The following HR variants were observed in gnomAD, a reference collection of about 807,000 sequenced individuals.
The protein encoded by HR is HR lysine demethylase and nuclear receptor corepressor, also known as lysine-specific demethylase hairless.
Under a neutral mutation model 128.6 loss-of-function variants are expected in HR, and 83 were observed. That is an observed-to-expected ratio of 0.65 (90% CI 0.54 to 0.77). The LOEUF is 0.77. Ranked by LOEUF, HR falls within the 30% of genes least tolerant of loss-of-function variation. The pLI is 0.00. For missense variants in HR, 1,490 were observed against 1,574.6 expected, an observed-to-expected ratio of 0.95 and a Z score of 0.91; for synonymous variants, 681 against 658.2, an observed-to-expected ratio of 1.03 and a Z score of -0.53.
At position 22,115,477 on chromosome 8, in the gene HR, G is replaced by C. The variant is rs954201668; in HGVS notation, c.*223C>G. The C allele has an allele frequency of 1.1e-5, 7 of 624,340 alleles. No homozygotes were observed. Among genetic ancestry groups the C allele is most frequent in the Non-Finnish European group, 2.0e-5 (7 of 343,356 alleles). The allele number at this position is 624,340 out of a possible 1,614,324, so 38.7% of individuals were successfully genotyped here. ...GGTACCATGAAAAGGGGCACAGGGTGGGGGAGATGCCAGCCTGAGAAGGAC... is the reference window on the plus strand; with the variant it reads ...GGTACCATGAAAAGGGGCACAGGGTCGGGGAGATGCCAGCCTGAGAAGGAC... On this transcript the variant is annotated 3_prime_UTR_variant, in exon 19 of 19. Coordinates refer to ENST00000381418, the MANE Select transcript of HR (RefSeq NM_005144.5).
chr8:22,128,058 A>G, intron 2 of HR: 1 of 618,916 alleles, frequency 1.6e-6, no homozygotes, highest in Non-Finnish European at 2.9e-6. Flanking sequence ...CTAAGAACTA[A>G]AGAGTGAATG....
At position 22,115,563 on chromosome 8, in the gene HR, G is replaced by A; in HGVS notation, c.*137C>T. 1.3e-6 allele frequency: 1 copy of A among 764,338 alleles called. No individual in the cohort carries two copies. The highest frequency in any genetic ancestry group is 2.0e-5 in the Admixed American group (1 of 50,056). 47.3% of individuals were successfully genotyped at this position (764,338 alleles called of 1,614,324 possible). A position where few individuals can be genotyped will look rare whatever the true frequency, so the allele number is the denominator to read the frequency against. On this transcript the variant is annotated 3_prime_UTR_variant, in exon 19 of 19. Coordinates refer to ENST00000381418, the MANE Select transcript of HR (RefSeq NM_005144.5). The stretch of plus-strand genomic sequence containing the variant: ...AAGGGGGAGGGGAACAGAGTGCCCT[G>A]CTTGTGCCCAGAGTGGTGCTTGTGG...
chr8:22,116,685 G>A lies in HR; in HGVS notation c.3378+190C>T, dbSNP rs528023371. ...CAGGAGACCAGGAGTGGACTCTGGC[G>A]CCAGTCCCAGTTGGGCTCAGTGACT... On this transcript the variant is annotated intron_variant, in intron 17 of 18. Transcript: ENST00000381418. The surrounding 1 kb of genome is among the most constrained non-coding windows in gnomAD (Gnocchi z 4.2). Among the ~76,000 whole-genome samples the A allele has an allele frequency of 1.3e-5, 2 of 152,322 alleles. No homozygotes were observed. Among genetic ancestry groups the A allele is most frequent in the African/African-American group, 2.4e-5 (1 of 41,568 alleles).
chr8:22,115,851 C>A, intron 18 of HR, 89 bp from the exon 19 acceptor site: 1 of 1,311,874 alleles, frequency 7.6e-7, no homozygotes, highest in South Asian at 1.2e-5. Context: ...AATACTCTGG[C>A]CAGATGCGGT....
chr8:22,121,674 C>A lies in HR; in HGVS notation c.2142G>T (p.Thr714=). The change falls in exon 9 of 19, where the codon ACG becomes ACT. Residue 714 remains threonine (T), a synonymous_variant. Coordinates refer to ENST00000381418, the MANE Select transcript of HR (RefSeq NM_005144.5). The part of the protein sequence containing the change: ...AGQQKESTQK[T]PPTPQPSCNG... ...TGCAGGAAGGTTGTGGAGTTGGGGGCGTTTTCTGTGTTGATTCCTTCTGTT... is the reference window on the plus strand; with the variant it reads ...TGCAGGAAGGTTGTGGAGTTGGGGGAGTTTTCTGTGTTGATTCCTTCTGTT... 1.9e-6 allele frequency: 3 copies of A among 1,614,112 alleles called. No homozygotes were observed. The highest frequency in any genetic ancestry group is 2.5e-6 in the Non-Finnish European group (3 of 1,180,020).
intron 2 of HR, 112 bp downstream of exon 2, chr8:22,128,447 C>G: frequency 6.9e-7 from 1 of 1,457,552 alleles, no homozygotes; most frequent in Non-Finnish European, 9.4e-7. Flanking sequence ...TGATAGACCC[C>G]TCTACCTCGG....
rs137912857 is a variant in HR at position 22,123,792 on chromosome 8, T to G, written c.1772A>C (p.Glu591Ala). 1.2e-6 allele frequency: 2 copies of G among 1,603,666 alleles called. No individual in the cohort carries two copies. The highest frequency in any genetic ancestry group is 4.5e-5 in the East Asian group (2 of 44,668). ...QREGQGPAVT[E>A]DSPGIPRCCS... ...GCAGCGTGGAATGCCTGGGCTGTCCTCTGTCACGGCTGGCCCTTGGCCTGC... is the reference window on the plus strand; with the variant it reads ...GCAGCGTGGAATGCCTGGGCTGTCCGCTGTCACGGCTGGCCCTTGGCCTGC... The change falls in exon 6 of 19, where the codon GAG becomes GCG. Residue 591 changes from glutamate to alanine, a missense_variant. Coordinates refer to ENST00000381418, the MANE Select transcript of HR (RefSeq NM_005144.5).
At chr8:22,117,235 G>A in intron 16 of HR, 196 bp from the exon 17 acceptor site, 1 of 570,648 alleles carries the variant, frequency 1.8e-6, no homozygotes, top group Non-Finnish European at 3.0e-6. Context: ...ACATTTGGCT[G>A]GAAGGAGCTT....
At chr8:22,125,831 C>A in intron 3 of HR, 99 bp from the exon 4 acceptor site, 7 of 1,365,980 alleles carry the variant, frequency 5.1e-6, no homozygotes, top group Non-Finnish European at 7.1e-6. Context: ...TCAGAGCCAG[C>A]CCAGTTCCTC....
At chr8:22,120,670 C>T in intron 11 of HR, 46 bp downstream of exon 11, 1 of 1,519,990 alleles carries the variant, frequency 6.6e-7, no homozygotes, top group Non-Finnish European at 8.8e-7. Flanking sequence ...CCCCGAGGGG[C>T]AGGTGGGGTG....
chr8:22,116,345 G>A lies in HR; in HGVS notation c.3462C>T (p.His1154=), dbSNP rs1441260705. 39 of 1,612,922 alleles carry A rather than the reference G, an allele frequency of 2.4e-5. No individual in the cohort carries two copies. Among genetic ancestry groups the A allele is most frequent in the Non-Finnish European group, 3.0e-5 (35 of 1,179,946 alleles). The change falls in exon 18 of 19, where the codon CAC becomes CAT. Residue 1154 remains histidine (H), a synonymous_variant. Coordinates refer to ENST00000381418, the MANE Select transcript of HR (RefSeq NM_005144.5). This position sits in a 1 kb window ranked among gnomAD's most constrained non-coding sequence, Gnocchi z 4.2. ...ETSALSAQLC[H]QGPSLPPDCH... ...AGTCAGGGGGAAGGCTGGGTCCCTG[G>A]TGGCAGAGCTGAGCAGAGAGGGCAG...
chr8:22,115,502 C>T lies in HR; in HGVS notation c.*198G>A, dbSNP rs968297781. On this transcript the variant is annotated 3_prime_UTR_variant, in exon 19 of 19. Transcript: ENST00000381418. The stretch of plus-strand genomic sequence containing the variant: ...GGGGGAGATGCCAGCCTGAGAAGGA[C>T]AGGTGTGAGCTTGGTGGCACTGTGG... 6.6e-5 allele frequency: 42 copies of T among 639,726 alleles called. No individual in the cohort carries two copies. In the African/African-American group the frequency reaches 6.8e-4, roughly 10 times the overall value. The allele number at this position is 639,726 out of a possible 1,614,324, so 39.6% of individuals were successfully genotyped here.
rs149881242 is a variant in HR, at chr8:22,116,553, T to G, written c.3379-125A>C. 1.9e-3 allele frequency: 2,464 copies of G among 1,281,032 alleles called. 5 individuals are homozygous for G. The highest frequency in any genetic ancestry group is 2.1e-3 in the Non-Finnish European group (1,990 of 934,564). The allele number at this position is 1,281,032 out of a possible 1,614,324, so 79.4% of individuals were successfully genotyped here. A position where few individuals can be genotyped will look rare whatever the true frequency, so the allele number is the denominator to read the frequency against. ...GACCCCTGGCTCTCAGAGAGCAGAT[T>G]CCTGGATGCACCACTGGACACCTCA... On this transcript the variant is annotated intron_variant, in intron 17 of 18. Coordinates refer to ENST00000381418, the MANE Select transcript of HR (RefSeq NM_005144.5). The surrounding 1 kb of genome is among the most constrained non-coding windows in gnomAD (Gnocchi z 4.2).
intron 7 of HR, 76 bp downstream of exon 7, chr8:22,122,714 G>A (rs1826786305): frequency 1.3e-6 from 2 of 1,492,420 alleles, no homozygotes; most frequent in African/African-American, 1.4e-5. Context: ...GCACTGGGGG[G>A]AGGGACAATC....
At chr8:22,122,470 C>T (rs146248234) in intron 8 of HR, 23 bp downstream of exon 8, 46 of 1,555,250 alleles carry the variant, frequency 3.0e-5, no homozygotes, top group Non-Finnish European at 3.8e-5. Flanking sequence ...GATACCCAAC[C>T]GGTGACATGC....
chr8:22,122,761 G>A lies in HR; in HGVS notation c.2005+29C>T, dbSNP rs769549018. The A allele has an allele frequency of 5.8e-6, 9 of 1,544,248 alleles. No individual in the cohort carries two copies. The African/African-American group carries it at 1.2e-4, about 21-fold the overall frequency. On this transcript the variant is annotated intron_variant, in intron 7 of 18. Transcript: ENST00000381418. ...TGGTCTCCCTCAGGACCCAACCTCT[G>A]CACGCCCCACCCCTCCAAGATGGCT...
intron 2 of HR, 58 bp downstream of exon 2, chr8:22,128,500 AC>A: frequency 6.2e-7 from 1 of 1,604,558 alleles, no homozygotes; most frequent in Non-Finnish European, 8.5e-7. Context: ...CATCTTGGGG[AC>A]CACCGAGCAA....
Position 22,127,326 on chromosome 8 carries a change from G to T in HR, c.1116C>A (p.Pro372=). The T allele has an allele frequency of 6.2e-7, 1 of 1,613,382 alleles. No homozygotes were observed. ...TCTTCAGCTTGGTGTGGTGGCTGGGGGGACAGGCCCTGGGGCCAGAGGCCT... is the reference window on the plus strand; with the variant it reads ...TCTTCAGCTTGGTGTGGTGGCTGGGTGGACAGGCCCTGGGGCCAGAGGCCT... ...VNKASGPRAC[P]PSHHTKLKKT... is the part of the protein sequence containing the mutation. Residue 372 remains proline (P), a synonymous_variant, in exon 3 of 19, where the codon CCC becomes CCA. Coordinates refer to ENST00000381418, the MANE Select transcript of HR (RefSeq NM_005144.5).
chr8:22,125,452 T>C lies in HR; in HGVS notation c.1609A>G (p.Ser537Gly). The C allele has an allele frequency of 6.2e-7, 1 of 1,613,514 alleles. No individual in the cohort carries two copies. Among genetic ancestry groups the C allele is most frequent in the Non-Finnish European group, 8.5e-7 (1 of 1,180,008 alleles). ...CCGGACCCTGGGCCTTCCTCAGAGC[T>C]GGAGTTGGTGGCTGTGTCTTCCTCC... is the stretch of plus-strand genomic sequence containing the variant. ...QQEEDTATNS[S>G]SEEGPGSGPD... The change falls in exon 5 of 19, where the codon AGC becomes GGC. Residue 537 changes from serine to glycine, a missense_variant. This residue lies in a region of HR where 1,060 missense variants were observed against 1,060.9 expected (regional missense o/e 1.00). Coordinates refer to ENST00000381418, the MANE Select transcript of HR (RefSeq NM_005144.5).
Sources: gnomAD v4.1 joint callset for allele counts (sites outside exome capture counted in the v4.1 genomes callset) on GRCh38, gnomAD v4.1.1 for gene constraint, gnomAD v4.1.1 regional missense constraint, Gnocchi (gnomAD v3.1) non-coding constraint, MANE v1.5 for transcripts, NCBI Gene and HGNC (gene_info 2026-07-23, HGNC 2026-07-21) for gene names.